Variants in TJP1 observed in about 807,000 individuals in gnomAD.
The protein encoded by TJP1 is tight junction protein 1.
TJP1 carries 43 observed loss-of-function variants against 194.2 expected under a neutral mutation model. That is an observed-to-expected ratio of 0.22 (90% CI 0.17 to 0.29). The LOEUF is 0.29. Among genes scored for constraint, TJP1 ranks in the 10% least tolerant of loss-of-function variants. The pLI is 1.00. For missense variants in TJP1, 1,971 were observed against 2,185.7 expected (o/e 0.90, Z 1.96); for synonymous variants, 801 against 779.0 (o/e 1.03, Z -0.47).
chr15:29,755,880 C>T (rs1172580993), intron 8 of TJP1, among the ~76,000 whole-genome samples: 1 of 152,048 alleles, frequency 6.6e-6, no homozygotes, highest in Admixed American at 6.6e-5. Context: ...TGAACTTTTA[C>T]TGTAATAGAA....
At chr15:29,933,345 G>C (rs1269516867) in intron 2 of TJP1, among the ~76,000 whole-genome samples, 1 of 152,126 alleles carries the variant, frequency 6.6e-6, no homozygotes, top group African/African-American at 2.4e-5. Context: ...AAGAAAATAA[G>C]AGTGAGGACA....
intron 1 of TJP1, among the ~76,000 whole-genome samples, chr15:29,963,706 T>A (rs2056238941): frequency 6.6e-6 from 1 of 152,196 alleles, no homozygotes. Context: ...CAGGCTGGGG[T>A]GCAGTGGCAT....
In TJP1 at chr15:29,968,554, G is replaced by T. The variant is rs575734627; in HGVS notation, c.173+113C>A. The stretch of plus-strand genomic sequence containing the variant: ...CCGCGTCCCGTCGGGCCCGACAGTC[G>T]CGGCCTCGCCCCCCGCCCGACCGCC... On this transcript the variant is annotated intron_variant, in intron 1 of 28. Transcript: ENST00000356107. 8.6e-3 allele frequency: 6,913 copies of T among 807,202 alleles called. 40 individuals carry two copies. The highest frequency in any genetic ancestry group is 9.4e-3 in the Non-Finnish European group (6,315 of 668,484). The allele number at this position is 807,202 out of a possible 1,614,324, so 50.0% of individuals were successfully genotyped here.
chr15:29,845,201 C>G (rs1298416914), intron 2 of TJP1, among the ~76,000 whole-genome samples: 1 of 152,156 alleles, frequency 6.6e-6, no homozygotes, highest in Non-Finnish European at 1.5e-5. Flanking sequence ...TATATCCTCT[C>G]CTAAATCTCA....
At chr15:29,968,532 C>T (rs2056410542) in intron 1 of TJP1, 2 of 813,124 alleles carry the variant, frequency 2.5e-6, no homozygotes, top group Non-Finnish European at 3.0e-6. Context: ...GCGCGCCCCG[C>T]GTCCCGTCGG....
chr15:29,787,383 T>G (rs577902080), intron 2 of TJP1, among the ~76,000 whole-genome samples: 1 of 152,324 alleles, frequency 6.6e-6, no homozygotes, highest in Non-Finnish European at 1.5e-5. Flanking sequence ...TGACCTGAGT[T>G]AGGCAACAGC....
intron 2 of TJP1, among the ~76,000 whole-genome samples, chr15:29,879,119 G>A (rs541049313): frequency 9.2e-5 from 14 of 152,076 alleles, no homozygotes; most frequent in Admixed American, 4.6e-4. Context: ...GTGAGACTCC[G>A]TCTCAAAAAA....
chr15:29,953,683 T>C (rs963460024), intron 2 of TJP1, among the ~76,000 whole-genome samples: 2 of 152,178 alleles, frequency 1.3e-5, no homozygotes, highest in African/African-American at 4.8e-5. Flanking sequence ...TCTAAAAACA[T>C]GCAGAGTAAG....
chr15:29,937,168 GAGA>G (rs1304253691), intron 2 of TJP1, among the ~76,000 whole-genome samples: 2 of 152,094 alleles, frequency 1.3e-5, no homozygotes, highest in African/African-American at 4.8e-5. Flanking sequence ...TACACAACAT[GAGA>G]AGATCTCTGT....
intron 1 of TJP1, among the ~76,000 whole-genome samples, chr15:29,960,487 T>C (rs1035038250): frequency 6.6e-6 from 1 of 151,494 alleles, no homozygotes; most frequent in African/African-American, 2.4e-5. Flanking sequence ...ACAAAAAAAC[T>C]CGCCAGGCGG....
At chr15:29,857,096 GGGTC>G in intron 2 of TJP1, among the ~76,000 whole-genome samples, 1 of 151,914 alleles carries the variant, frequency 6.6e-6, no homozygotes, top group Non-Finnish European at 1.5e-5. Flanking sequence ...TATCTGAAGG[GGGTC>G]CTGGGACAAT....
chr15:29,826,999 C>G (rs2050697019), upstream of TJP1, among the ~76,000 whole-genome samples: 1 of 152,190 alleles, frequency 6.6e-6, no homozygotes. Context: ...GATACCCCTG[C>G]TGGTCCTCTC....
chr15:29,803,477 A>G (rs2048917777), intron 1 of TJP1, among the ~76,000 whole-genome samples: 1 of 152,178 alleles, frequency 6.6e-6, no homozygotes, highest in Non-Finnish European at 1.5e-5. Context: ...GGCTAAGCTT[A>G]TGATACTGGG....
intron 1 of TJP1, among the ~76,000 whole-genome samples, chr15:29,963,833 T>C (rs2056244491): frequency 6.6e-6 from 1 of 152,106 alleles, no homozygotes; most frequent in African/African-American, 2.4e-5. Context: ...TTTGTATTTT[T>C]AGTAGAGACA....
At chr15:29,968,822 C>G (rs1202427521) in exon 1 of TJP1, 3 of 1,069,316 alleles carry the variant, frequency 2.8e-6, no homozygotes, top group Non-Finnish European at 3.7e-6. Context: ...GCAGACACAG[C>G]CCCTCCAGGC....
intron 4 of TJP1, among the ~76,000 whole-genome samples, chr15:29,771,371 A>G (rs1300111315): frequency 6.6e-6 from 1 of 152,190 alleles, no homozygotes; most frequent in Non-Finnish European, 1.5e-5. Context: ...CTATGTGTGT[A>G]TCTAAACACG....
At chr15:29,739,426 G>A (rs1454683058) in intron 10 of TJP1, among the ~76,000 whole-genome samples, 1 of 152,108 alleles carries the variant, frequency 6.6e-6, no homozygotes, top group Non-Finnish European at 1.5e-5. Flanking sequence ...TTCTCCCAGG[G>A]AAGGAGGTCT....
At chr15:29,752,108 T>C (rs548874400) in intron 8 of TJP1, among the ~76,000 whole-genome samples, 403 of 147,518 alleles carry the variant, frequency 2.7e-3, no homozygotes, top group African/African-American at 9.8e-3. Flanking sequence ...ACACTTTTTT[T>C]TTTTTTTCCC....
chr15:29,773,157 T>TGTAAGACA, intron 3 of TJP1, 76 bp downstream of exon 3: 1 of 1,559,324 alleles, frequency 6.4e-7, no homozygotes, highest in Non-Finnish European at 8.8e-7. Context: ...ACTAAGACAG[T>TGTAAGACA]GTAAGACAGT....
Sources: gnomAD v4.1 joint callset for allele counts (sites outside exome capture counted in the v4.1 genomes callset) on GRCh38, gnomAD v4.1.1 for gene constraint, MANE v1.5 for transcripts, NCBI Gene and HGNC (gene_info 2026-07-23, HGNC 2026-07-21) for gene names.